Variants in SH3BP4 observed in about 807,000 individuals in gnomAD.
SH3BP4 encodes SH3 domain binding protein 4, also known as SH3 domain-binding protein 4.
In SH3BP4, 33 loss-of-function variants were observed where a neutral mutation model predicts 65.5. That is an observed-to-expected ratio of 0.50 (90% CI 0.38 to 0.67). SH3BP4 has a LOEUF of 0.67. Among genes scored for constraint, SH3BP4 ranks in the 30% least tolerant of loss-of-function variants. SH3BP4 has a pLI of 0.00. For synonymous variants in SH3BP4, 552 were observed against 545.5 expected (o/e 1.01, Z -0.17); for missense variants, 1,134 against 1,261.4 (o/e 0.90, Z 1.53).
chr2:235,036,494 G>T (rs1437271228), intron 3 of SH3BP4, among the ~76,000 whole-genome samples: 1 of 152,094 alleles, frequency 6.6e-6, no homozygotes, highest in African/African-American at 2.4e-5. Context: ...GGTGGCTCAC[G>T]CCTGTAATCC....
intron 2 of SH3BP4, among the ~76,000 whole-genome samples, chr2:235,000,069 G>A (rs1198791757): frequency 6.6e-6 from 1 of 152,240 alleles, no homozygotes; most frequent in Non-Finnish European, 1.5e-5. Context: ...CATCTGGAGA[G>A]GGGTGAGGCC....
intron 4 of SH3BP4, among the ~76,000 whole-genome samples, chr2:235,044,088 A>C (rs1429222815): frequency 6.6e-6 from 1 of 152,168 alleles, no homozygotes; most frequent in Non-Finnish European, 1.5e-5. Flanking sequence ...AGTCCCACGA[A>C]CCGCTGCCCC....
At chr2:235,004,264 G>A (rs977263408) in intron 2 of SH3BP4, among the ~76,000 whole-genome samples, 3 of 152,144 alleles carry the variant, frequency 2.0e-5, no homozygotes, top group Admixed American at 6.5e-5. Context: ...GGTTCCTCAT[G>A]GGCACCTTCT....
intron 4 of SH3BP4, among the ~76,000 whole-genome samples, chr2:235,049,653 A>G (rs1229021121): frequency 6.6e-6 from 1 of 152,248 alleles, no homozygotes; most frequent in Non-Finnish European, 1.5e-5. Flanking sequence ...TTTTTAAAAC[A>G]ATTTGTTTTG....
rs1054025449 is a variant in SH3BP4, at chr2:235,033,382, T to C, written c.-132-1489T>C. On this transcript the variant is annotated intron_variant, in intron 2 of 5. Coordinates refer to ENST00000392011, the MANE Select transcript of SH3BP4 (RefSeq NM_014521.3). This position sits in a 1 kb window ranked among gnomAD's most constrained non-coding sequence, Gnocchi z 5.7. ...ATGAGGACCCCACCTTCATGATCTC[T>C]TCTAACTCTAACTACTCCCCACTGC... is the stretch of plus-strand genomic sequence containing the variant. Among the ~76,000 whole-genome samples the C allele has an allele frequency of 2.0e-5, 3 of 152,220 alleles. No homozygotes were observed. The highest frequency in any genetic ancestry group is 6.5e-5 in the Admixed American group (1 of 15,282).
chr2:235,043,310 C>G, intron 4 of SH3BP4, 63 bp downstream of exon 4: 1 of 1,372,842 alleles, frequency 7.3e-7, no homozygotes, highest in African/African-American at 1.5e-5. Context: ...TTCCGCCTTC[C>G]CAGTGCACAT....
chr2:235,053,692 A>T lies in SH3BP4; in HGVS notation c.2768A>T (p.Lys923Met), dbSNP rs1358185889. Residue 923 changes from lysine (K) to methionine (M), a missense_variant, in exon 6 of 6, where the codon AAG (lysine) becomes ATG (methionine). Physicochemically the swap from Lys to Met is moderately conservative, Grantham distance 95. Coordinates refer to ENST00000392011, the MANE Select transcript of SH3BP4 (RefSeq NM_014521.3). ...VIQELHLGLD[K>M]MKNPITKRWK... Reference sequence around the variant, plus strand: ...CAGGAGCTGCACCTGGGCCTGGACAAGATGAAAAACCCCATCACCAAGCGC... The same window carrying T: ...CAGGAGCTGCACCTGGGCCTGGACATGATGAAAAACCCCATCACCAAGCGC... 1 of 1,614,046 alleles carries T rather than the reference A, an allele frequency of 6.2e-7. No individual in the cohort carries two copies. Among genetic ancestry groups the T allele is most frequent in the African/African-American group, 1.3e-5 (1 of 74,924 alleles).
intron 2 of SH3BP4, among the ~76,000 whole-genome samples, chr2:235,031,674 C>G (rs1043425180): frequency 1.3e-5 from 2 of 152,234 alleles, no homozygotes; most frequent in Non-Finnish European, 2.9e-5. Context: ...CTGTGCCCAC[C>G]TGTTCTTAGG....
intron 1 of SH3BP4, among the ~76,000 whole-genome samples, chr2:234,963,672 C>T (rs1352481066): frequency 3.3e-5 from 5 of 152,218 alleles, no homozygotes; most frequent in South Asian, 4.1e-4. Context: ...GAGGTGTTTC[C>T]GTTGGGAGGT....
At chr2:234,979,910 T>C (rs1021408291) in intron 1 of SH3BP4, 1 of 152,278 alleles carries the variant, frequency 6.6e-6, no homozygotes, top group Non-Finnish European at 1.5e-5. Flanking sequence ...ATGGCAGCTC[T>C]GTGAGAGGCC....
Position 235,054,759 on chromosome 2 carries a change from C to T in SH3BP4, c.*943C>T, listed in dbSNP as rs1696173379. On this transcript the variant is annotated 3_prime_UTR_variant, in exon 6 of 6. Transcript: ENST00000392011. ...TGTGGACAGGAAGAAAACTTCATGA[C>T]CGAATCAGAGCCTTGGTGGCCACTG... 6.6e-6 allele frequency: 1 copy of T among 152,216 alleles called. No individual in the cohort carries two copies. Among genetic ancestry groups the T allele is most frequent in the Non-Finnish European group, 1.5e-5 (1 of 68,036 alleles). The allele number at this position is 152,216 out of a possible 1,614,324, so 9.4% of individuals were successfully genotyped here.
At chr2:234,956,701 A>G (rs1692596755) in intron 1 of SH3BP4, among the ~76,000 whole-genome samples, 1 of 151,400 alleles carries the variant, frequency 6.6e-6, no homozygotes, top group Admixed American at 6.6e-5. Flanking sequence ...CTACAGGTGC[A>G]CACCAGCACG....
At chr2:234,989,623 C>T (rs1485402726) in intron 1 of SH3BP4, among the ~76,000 whole-genome samples, 1 of 152,224 alleles carries the variant, frequency 6.6e-6, no homozygotes, top group Non-Finnish European at 1.5e-5. Context: ...GTCTGTGTCA[C>T]AGCTCCACTG....
rs890656 is a variant in SH3BP4 at position 235,046,449 on chromosome 2, G to A, written c.2478+3202G>A. ...CAGCCAGGTGTGTTGGTGTGCACCT[G>A]TAGTCCCAGCTACTTGGGAGGCTGA... On this transcript the variant is annotated intron_variant, in intron 4 of 5. Transcript: ENST00000392011. The surrounding 1 kb of genome is among the most constrained non-coding windows in gnomAD (Gnocchi z 4.2). Among the ~76,000 whole-genome samples the A allele has an allele frequency of 0.43, 64,786 of 151,488 alleles. 14,832 individuals are homozygous for A. Among genetic ancestry groups the A allele is most frequent in the East Asian group, 0.75 (3,886 of 5,152 alleles).
At position 235,030,109 on chromosome 2, in the gene SH3BP4, G is replaced by C. The variant is rs1214391371; in HGVS notation, c.-132-4762G>C. Among the ~76,000 whole-genome samples, 1 of 152,204 alleles carries C rather than the reference G, an allele frequency of 6.6e-6. No homozygotes were observed. Among genetic ancestry groups the C allele is most frequent in the Non-Finnish European group, 1.5e-5 (1 of 68,046 alleles). On this transcript the variant is annotated intron_variant, in intron 2 of 5. Transcript: ENST00000392011. This position sits in a 1 kb window ranked among gnomAD's most constrained non-coding sequence, Gnocchi z 4.1. ...GGTCTTTTCATCTCAGGCCAGGGGA[G>C]AGCAGACTGATTTTTTTAAAAGCGG...
intron 1 of SH3BP4, among the ~76,000 whole-genome samples, chr2:234,968,626 G>A (rs556716400): frequency 4.6e-5 from 7 of 152,068 alleles, no homozygotes; most frequent in South Asian, 2.1e-4. Flanking sequence ...CGTATTTCAC[G>A]TCGCATGCCA....
At chr2:235,028,648 C>T (rs1695079316) in intron 2 of SH3BP4, among the ~76,000 whole-genome samples, 1 of 152,158 alleles carries the variant, frequency 6.6e-6, no homozygotes, top group African/African-American at 2.4e-5. Flanking sequence ...TGGGAATGCT[C>T]AGATTCTCAT....
chr2:235,007,993 A>G (rs1694353184), intron 2 of SH3BP4, among the ~76,000 whole-genome samples: 1 of 152,112 alleles, frequency 6.6e-6, no homozygotes, highest in Non-Finnish European at 1.5e-5. Context: ...GGGGTGGAGG[A>G]TGCCGCGTGA....
Position 235,042,406 on chromosome 2 carries a change from C to T in SH3BP4, c.1637C>T (p.Thr546Met), listed in dbSNP as rs371677251. 142 of 1,614,088 alleles carry T rather than the reference C, an allele frequency of 8.8e-5. No individual in the cohort carries two copies. The highest frequency in any genetic ancestry group is 1.3e-4 in the South Asian group (12 of 91,076). Residue 546 changes from threonine to methionine, a missense_variant, in exon 4 of 6, where the codon ACG (threonine) becomes ATG (methionine). Coordinates refer to ENST00000392011, the MANE Select transcript of SH3BP4 (RefSeq NM_014521.3). The surrounding 1 kb of genome is among the most constrained non-coding windows in gnomAD (Gnocchi z 7.3). ...AAGGTCTGTATGTTTTCCAATATGA[C>T]GAATTACGAGGTCAAAGCCAGCGAG... Reference protein sequence around the residue: ...DLKVCMFSNMTNYEVKASEQA... With the variant: ...DLKVCMFSNMMNYEVKASEQA...
Sources: gnomAD v4.1 joint callset for allele counts (sites outside exome capture counted in the v4.1 genomes callset) on GRCh38, gnomAD v4.1.1 for gene constraint, Gnocchi (gnomAD v3.1) non-coding constraint, MANE v1.5 for transcripts, NCBI Gene and HGNC (gene_info 2026-07-23, HGNC 2026-07-21) for gene names.